DTNBP1: variants seen among roughly 807,000 people sequenced by gnomAD.
DTNBP1 encodes dystrobrevin binding protein 1.
DTNBP1 carries 35 observed loss-of-function variants against 42.8 expected under a neutral mutation model. That is an observed-to-expected ratio of 0.82 (90% CI 0.63 to 1.09). DTNBP1 has a LOEUF of 1.09. Ranked by LOEUF, DTNBP1 falls within the 50% of genes least tolerant of loss-of-function variation. The pLI is 0.00. For missense variants in DTNBP1, 457 were observed against 424.2 expected (o/e 1.08, Z -0.68); for synonymous variants, 171 against 162.2 (o/e 1.05, Z -0.41).
chr6:15,529,720 T>A (rs1009807937), intron 8 of DTNBP1, among the ~76,000 whole-genome samples: 13 of 152,254 alleles, frequency 8.5e-5, no homozygotes, highest in Non-Finnish European at 1.0e-4. Flanking sequence ...CGAGGTGATT[T>A]ATTAATAAGT....
chr6:15,624,814 CA>C (rs113725588), intron 5 of DTNBP1, among the ~76,000 whole-genome samples: 45 of 136,500 alleles, frequency 3.3e-4, no homozygotes, highest in African/African-American at 4.1e-4. Context: ...TTGAGGCTTC[CA>C]AAAAAAAAAA....
intron 7 of DTNBP1, chr6:15,585,786 C>G (rs767835519): frequency 1.3e-6 from 2 of 1,531,586 alleles, no homozygotes; most frequent in Non-Finnish European, 8.7e-7. Flanking sequence ...AAGGAGTGAA[C>G]AGAAGCTCAG....
At chr6:15,532,844 C>G (rs1772955074) in intron 8 of DTNBP1, among the ~76,000 whole-genome samples, 1 of 151,490 alleles carries the variant, frequency 6.6e-6, no homozygotes, top group Non-Finnish European at 1.5e-5. Context: ...GGATTAGAGA[C>G]ACGCGCCACC....
intron 1 of DTNBP1, among the ~76,000 whole-genome samples, chr6:15,661,934 G>A (rs1761657461): frequency 6.6e-6 from 1 of 152,268 alleles, no homozygotes; most frequent in African/African-American, 2.4e-5. Context: ...ATTGAGGCAA[G>A]GCAGCTGAGT....
intron 6 of DTNBP1, among the ~76,000 whole-genome samples, chr6:15,604,841 AC>A (rs879814876): frequency 2.6e-5 from 4 of 152,190 alleles, no homozygotes; most frequent in African/African-American, 7.2e-5. Flanking sequence ...AAGAATCAGG[AC>A]CCTTAAAATA....
chr6:15,567,958 G>A (rs1775171476), intron 7 of DTNBP1, among the ~76,000 whole-genome samples: 1 of 152,122 alleles, frequency 6.6e-6, no homozygotes, highest in South Asian at 2.1e-4. Context: ...GCGGATTAAT[G>A]ATAATATATG....
chr6:15,631,692 T>C (rs1759703757), intron 4 of DTNBP1, among the ~76,000 whole-genome samples: 1 of 152,166 alleles, frequency 6.6e-6, no homozygotes. Context: ...GTGTCCAAGA[T>C]ATCCATCTCC....
intron 5 of DTNBP1, among the ~76,000 whole-genome samples, chr6:15,616,613 G>A (rs987545933): frequency 6.6e-6 from 1 of 152,198 alleles, no homozygotes; most frequent in South Asian, 2.1e-4. Flanking sequence ...TCACTTAAAC[G>A]GCTACAATAT....
intron 1 of DTNBP1, among the ~76,000 whole-genome samples, chr6:15,654,833 G>A (rs1020654188): frequency 1.3e-5 from 2 of 152,088 alleles, no homozygotes; most frequent in East Asian, 1.9e-4. Context: ...GTAAAAAGTC[G>A]TTTCTAAGAA....
chr6:15,648,403 T>G (rs1305601458), intron 3 of DTNBP1, among the ~76,000 whole-genome samples: 2 of 151,936 alleles, frequency 1.3e-5, no homozygotes, highest in African/African-American at 4.8e-5. Flanking sequence ...GCCAGAGCAA[T>G]TAGGCAAGAA....
rs542119703 is a variant in DTNBP1, at chr6:15,634,221, A to T, written c.222+3523T>A. 2.6e-5 allele frequency among the ~76,000 whole-genome samples: 4 copies of T among 152,278 alleles called. No individual in the cohort carries two copies. In the South Asian group the frequency reaches 8.3e-4, roughly 32 times the overall value. ...TGAGGCTGCAGATATATTCACATTT[A>T]CCATCTTATTCTGTTTATTCTACTG... is the stretch of plus-strand genomic sequence containing the variant. On this transcript the variant is annotated intron_variant, in intron 4 of 9. Transcript: ENST00000344537.
intron 7 of DTNBP1, among the ~76,000 whole-genome samples, chr6:15,588,311 T>A (rs958229059): frequency 6.6e-6 from 1 of 152,206 alleles, no homozygotes; most frequent in East Asian, 1.9e-4. Context: ...ATCTCCTATA[T>A]GATTCCAGAA....
chr6:15,605,391 C>A (rs189644794), intron 6 of DTNBP1, among the ~76,000 whole-genome samples: 147 of 152,238 alleles, frequency 9.7e-4, no homozygotes, highest in African/African-American at 3.4e-3. Flanking sequence ...TGGAGCTATA[C>A]AGTCCTAGAT....
intron 7 of DTNBP1, among the ~76,000 whole-genome samples, chr6:15,535,595 G>A (rs1008066437): frequency 2.0e-5 from 3 of 152,180 alleles, no homozygotes; most frequent in African/African-American, 7.2e-5. Flanking sequence ...GGAACTACAG[G>A]TGTGAGCAAC....
intron 6 of DTNBP1, among the ~76,000 whole-genome samples, chr6:15,608,598 T>C (rs961887576): frequency 6.6e-6 from 1 of 152,234 alleles, no homozygotes; most frequent in Admixed American, 6.5e-5. Context: ...GTGCAGGCTC[T>C]TCCTCCTCCT....
intron 1 of DTNBP1, among the ~76,000 whole-genome samples, chr6:15,661,787 G>C (rs1166885359): frequency 2.0e-5 from 3 of 152,176 alleles, no homozygotes; most frequent in South Asian, 2.1e-4. Flanking sequence ...TTAAAGGAAT[G>C]AAAAAATTAA....
chr6:15,524,990 A>T (rs935846086), intron 8 of DTNBP1, among the ~76,000 whole-genome samples: 2 of 152,230 alleles, frequency 1.3e-5, no homozygotes, highest in African/African-American at 4.8e-5. Flanking sequence ...AGAGGCCAAC[A>T]TTCCTGCAGC....
intron 7 of DTNBP1, among the ~76,000 whole-genome samples, chr6:15,584,707 T>C (rs1775985793): frequency 1.1e-5 from 1 of 92,434 alleles, no homozygotes; most frequent in Admixed American, 1.1e-4. Context: ...ATGTATTTCT[T>C]TTTTTTTTTT....
chr6:15,613,682 A>G (rs1758560180), intron 6 of DTNBP1, among the ~76,000 whole-genome samples: 1 of 152,048 alleles, frequency 6.6e-6, no homozygotes, highest in African/African-American at 2.4e-5. Flanking sequence ...TCCATTCTTA[A>G]TGCTGCCAAA....
Sources: gnomAD v4.1 joint callset for allele counts (sites outside exome capture counted in the v4.1 genomes callset) on GRCh38, gnomAD v4.1.1 for gene constraint, MANE v1.5 for transcripts, NCBI Gene and HGNC (gene_info 2026-07-23, HGNC 2026-07-21) for gene names.